The following BLVRA variants were observed in gnomAD, a reference collection of about 807,000 sequenced individuals.
BLVRA encodes BVR A.
BLVRA carries 22 observed loss-of-function variants against 32.8 expected under a neutral mutation model. The ratio of observed to expected loss-of-function variants is 0.67; its 90% CI spans 0.48 to 0.96. The LOEUF (loss-of-function observed/expected upper bound fraction) is 0.96, where lower values mean the gene tolerates loss of function less well. Ranked by LOEUF, BLVRA falls within the 40% of genes least tolerant of loss-of-function variation. BLVRA has a pLI of 0.00. For missense variants in BLVRA, 323 were observed against 358.1 expected (o/e 0.90, Z 0.79); for synonymous variants, 119 against 141.3 (o/e 0.84, Z 1.12).
intron 7 of BLVRA, among the ~76,000 whole-genome samples, chr7:43,804,920 T>C (rs1476943142): frequency 1.3e-5 from 2 of 152,194 alleles, no homozygotes; most frequent in Admixed American, 1.3e-4. Flanking sequence ...AAGCCTGATC[T>C]AGTCCATTTT....
Position 43,764,775 on chromosome 7 carries a change from C to T in BLVRA, c.-22+6041C>T, listed in dbSNP as rs556303342. 4.7e-5 allele frequency among the ~76,000 whole-genome samples: 7 copies of T among 150,070 alleles called. No homozygotes were observed. In the East Asian group the frequency reaches 9.8e-4, roughly 21 times the overall value. Reference sequence around the variant, plus strand: ...AACCGAAAGAGAACCCCCCACCCCCCGCAAAAAAAAGAAGTAAAGTGGGTT... The same window carrying T: ...AACCGAAAGAGAACCCCCCACCCCCTGCAAAAAAAAGAAGTAAAGTGGGTT... On this transcript the variant is annotated intron_variant, in intron 1 of 7. Transcript: ENST00000265523.
intron 1 of BLVRA, among the ~76,000 whole-genome samples, chr7:43,759,559 T>C (rs1408887321): frequency 2.0e-5 from 3 of 152,208 alleles, no homozygotes; most frequent in African/African-American, 4.8e-5. Context: ...ATCATAATGC[T>C]TACTTAGTAG....
chr7:43,765,992 TAAAG>T (rs1585710025), intron 1 of BLVRA, among the ~76,000 whole-genome samples: 3 of 152,056 alleles, frequency 2.0e-5, no homozygotes, highest in Non-Finnish European at 2.9e-5. Context: ...AAAATGTAAA[TAAAG>T]AAAAGTTAAG....
intron 2 of BLVRA, among the ~76,000 whole-genome samples, chr7:43,786,533 A>T (rs1471471361): frequency 6.6e-6 from 1 of 152,222 alleles, no homozygotes; most frequent in Non-Finnish European, 1.5e-5. Context: ...AACCAACTTG[A>T]TCTAACAGAC....
intron 5 of BLVRA, among the ~76,000 whole-genome samples, chr7:43,799,424 GA>G (rs1369579744): frequency 1.9e-4 from 29 of 151,862 alleles, no homozygotes; most frequent in African/African-American, 6.5e-4. Flanking sequence ...TTTATAGAGC[GA>G]AAAAATTTTA....
chr7:43,806,886 G>A (rs1224657875), intron 7 of BLVRA, 91 bp from the exon 8 acceptor site: 2 of 1,472,634 alleles, frequency 1.4e-6, no homozygotes, highest in Non-Finnish European at 1.9e-6. Context: ...GCCTGACAAG[G>A]ACATGTTACC....
intron 4 of BLVRA, among the ~76,000 whole-genome samples, chr7:43,792,188 C>T (rs866086894): frequency 3.0e-4 from 45 of 152,346 alleles, no homozygotes; most frequent in African/African-American, 1.0e-3. Flanking sequence ...TCCCCTGCCA[C>T]ACTGAAGTTT....
chr7:43,762,174 G>A (rs1475398544), intron 1 of BLVRA, among the ~76,000 whole-genome samples: 3 of 152,086 alleles, frequency 2.0e-5, no homozygotes, highest in African/African-American at 7.2e-5. Context: ...GTGTAATCCA[G>A]GCTTTTTCAA....
intron 2 of BLVRA, among the ~76,000 whole-genome samples, chr7:43,778,804 C>T (rs2095764890): frequency 6.6e-6 from 1 of 152,256 alleles, no homozygotes; most frequent in Middle Eastern, 3.2e-3. Context: ...TGGTGGGCCC[C>T]ACCCAGTTCG....
At chr7:43,764,443 G>A (rs1439114578) in intron 1 of BLVRA, 2 of 152,166 alleles carry the variant, frequency 1.3e-5, no homozygotes, top group African/African-American at 4.8e-5. Context: ...CTAGACTTTA[G>A]TGAAAGTAAT....
chr7:43,784,998 C>A (rs1253868754), intron 2 of BLVRA, among the ~76,000 whole-genome samples: 1 of 152,186 alleles, frequency 6.6e-6, no homozygotes, highest in Non-Finnish European at 1.5e-5. Context: ...TAGCCTGACA[C>A]ACTGTGCAAG....
At chr7:43,788,721 C>T (rs1275608347) in intron 3 of BLVRA, among the ~76,000 whole-genome samples, 3 of 152,086 alleles carry the variant, frequency 2.0e-5, no homozygotes, top group African/African-American at 2.4e-5. Flanking sequence ...GTGATCCTCC[C>T]GCCTCACAGC....
At chr7:43,766,333 A>G (rs10229363) in intron 1 of BLVRA, among the ~76,000 whole-genome samples, 21,879 of 151,826 alleles carry the variant, frequency 0.14, 2,134 homozygotes, top group Non-Finnish European at 0.21. Context: ...AGAAAATAAA[A>G]ATGTATCTAT....
In BLVRA at chr7:43,804,970, G is replaced by A. The variant is rs568254635; in HGVS notation, c.632+1123G>A. 3.3e-5 allele frequency among the ~76,000 whole-genome samples: 5 copies of A among 152,338 alleles called. No homozygotes were observed. The East Asian group carries it at 9.6e-4, about 29-fold the overall frequency. On this transcript the variant is annotated intron_variant, in intron 7 of 7. Transcript: ENST00000265523. ...TCGCTAGGAAAAGGCAGAGAGGCCT[G>A]GCAGATGAAAGCAAAGCACATGGAA...
Position 43,807,103 on chromosome 7 carries a change from AG to A in BLVRA, c.760del (p.Asp254IlefsTer48), listed in dbSNP as rs1563554898. On this transcript the variant is annotated frameshift_variant, in exon 8 of 8. Transcript: ENST00000265523. LOFTEE classifies it high-confidence loss of function. Reference sequence around the variant, plus strand: ...GAGTGAATAAGAACATATTTCTGAAAGATCAAAATATATTTGTCCAGAAACT... The same window carrying A: ...GAGTGAATAAGAACATATTTCTGAAAATCAAAATATATTTGTCCAGAAACT... ...VGVNKNIFLK[D>X]QNIFVQKLLG... is the part of the protein sequence containing the mutation. The A allele has an allele frequency of 4.3e-6, 7 of 1,614,210 alleles. No individual in the cohort carries two copies. The highest frequency in any genetic ancestry group is 5.1e-6 in the Non-Finnish European group (6 of 1,180,032).
At chr7:43,759,897 C>T (rs779444847) in intron 1 of BLVRA, 3 of 151,932 alleles carry the variant, frequency 2.0e-5, no homozygotes, top group Non-Finnish European at 4.4e-5. Context: ...AATTCTGTAG[C>T]CAGAGAGCTA....
chr7:43,762,067 T>C (rs752922417), intron 1 of BLVRA, among the ~76,000 whole-genome samples: 4 of 152,168 alleles, frequency 2.6e-5, no homozygotes, highest in Non-Finnish European at 5.9e-5. Context: ...CCCATACTTC[T>C]GTGAGTCACC....
intron 1 of BLVRA, among the ~76,000 whole-genome samples, chr7:43,766,013 C>T (rs1585710031): frequency 1.3e-5 from 2 of 152,130 alleles, no homozygotes; most frequent in Admixed American, 6.5e-5. Flanking sequence ...TAAGGCAAGG[C>T]GTGGTAGCTC....
At chr7:43,767,320 G>A in intron 1 of BLVRA, 9 of 1,440,872 alleles carry the variant, frequency 6.2e-6, no homozygotes, top group Middle Eastern at 2.1e-4. Flanking sequence ...GGCGCTGAAC[G>A]CACTGCAGCC....
Sources: allele counts gnomAD v4.1 joint callset (sites outside exome capture counted in the v4.1 genomes callset), GRCh38; gene constraint gnomAD v4.1.1; transcripts MANE v1.5; gene names NCBI Gene and HGNC (gene_info 2026-07-23, HGNC 2026-07-21).